Variants in EPB41 observed in about 807,000 individuals in gnomAD.
EPB41 encodes the protein protein 4.1.
EPB41 carries 65 observed loss-of-function variants against 108.0 expected under a neutral mutation model. That is an observed-to-expected ratio of 0.60 (90% CI 0.49 to 0.74). EPB41 has a LOEUF of 0.74. Ranked by LOEUF, EPB41 falls within the 30% of genes least tolerant of loss-of-function variation. The pLI is 0.00. For synonymous variants in EPB41, 336 were observed against 358.9 expected (o/e 0.94, Z 0.72); for missense variants, 875 against 1,037.0 (o/e 0.84, Z 2.15).
At chr1:28,969,915 C>G (rs571686820) in intron 1 of EPB41, among the ~76,000 whole-genome samples, 1 of 151,986 alleles carries the variant, frequency 6.6e-6, no homozygotes, top group South Asian at 2.1e-4. Flanking sequence ...AACAAACAAA[C>G]AAACAAAAAA....
chr1:28,990,568 A>C (rs778081971), intron 2 of EPB41, among the ~76,000 whole-genome samples: 3 of 151,692 alleles, frequency 2.0e-5, no homozygotes, highest in Non-Finnish European at 4.4e-5. Flanking sequence ...CTACAGGTGC[A>C]TGCCACATGC....
In EPB41 at chr1:29,092,631, C is replaced by T. The variant is rs60388309; in HGVS notation, c.2185-5176C>T. ...ATTCGTGTCATGGGGGTTTGTTTTA[C>T]AGATTATTTTGTCACCCAAGTACTA... On this transcript the variant is annotated intron_variant, in intron 16 of 20. Coordinates refer to ENST00000343067, the MANE Select transcript of EPB41 (RefSeq NM_001376013.1). Among the ~76,000 whole-genome samples, 276 of 152,206 alleles carry T rather than the reference C, an allele frequency of 1.8e-3. 2 individuals are homozygous for T. The highest frequency in any genetic ancestry group is 6.4e-3 in the African/African-American group (265 of 41,526).
At chr1:29,046,571 T>C (rs1456919652) in intron 11 of EPB41, among the ~76,000 whole-genome samples, 1 of 152,198 alleles carries the variant, frequency 6.6e-6, no homozygotes, top group African/African-American at 2.4e-5. Context: ...ATTGCTTTGT[T>C]GCTGGCTAGA....
rs1671636151 is a variant in EPB41 at position 29,119,962 on chromosome 1, G to C, written c.*3150G>C. 1.3e-5 allele frequency: 2 copies of C among 152,648 alleles called. No homozygotes were observed. The highest frequency in any genetic ancestry group is 4.8e-5 in the African/African-American group (2 of 41,462). 9.5% of individuals were successfully genotyped at this position (152,648 alleles called of 1,614,324 possible). ...TCTGCTGTTTTGGCCTTTCGTAGTA[G>C]AAGTGGTTGTAGTGTTTAGATATCT... On this transcript the variant is annotated 3_prime_UTR_variant, in exon 21 of 21. Transcript: ENST00000343067.
In EPB41 at chr1:28,921,938, T is replaced by TTATATATATATA. The variant is rs66808636; in HGVS notation, c.-8+7183_-8+7194dup. On this transcript the variant is annotated intron_variant, in intron 1 of 20. Transcript: ENST00000343067. ...TAAATAGTATTTTATTTATGAAATT[T>TTATATATATATA]TATATATATATATATATATATATAC... Among the ~76,000 whole-genome samples, 119 of 102,632 alleles carry TTATATATATATA rather than the reference T, an allele frequency of 1.2e-3. 6 individuals carry two copies. Among genetic ancestry groups the TTATATATATATA allele is most frequent in the East Asian group, 0.011 (13 of 1,156 alleles). 67.3% of individuals were successfully genotyped at this position (102,632 alleles called of 152,430 possible). A position where few individuals can be genotyped will look rare whatever the true frequency, so the allele number is the denominator to read the frequency against.
Position 28,987,799 on chromosome 1 carries a change from G to A in EPB41, c.362G>A (p.Ser121Asn). The A allele has an allele frequency of 6.2e-7, 1 of 1,614,194 alleles. No individual in the cohort carries two copies. Among genetic ancestry groups the A allele is most frequent in the Non-Finnish European group, 8.5e-7 (1 of 1,180,048 alleles). Residue 121 changes from serine to asparagine, a missense_variant, in exon 2 of 21, where the codon AGT becomes AAT. Ser to Asn is a conservative substitution (Grantham distance 46). Coordinates refer to ENST00000343067, the MANE Select transcript of EPB41 (RefSeq NM_001376013.1). ...CAGAAAGAGATAGAATTTGGAACCAGTCTTGATGAAGAGATCATTTTAAAG... is the reference window on the plus strand; with the variant it reads ...CAGAAAGAGATAGAATTTGGAACCAATCTTGATGAAGAGATCATTTTAAAG... ...GGQKEIEFGT[S>N]LDEEIILKAP...
chr1:29,101,686 A>G (rs1399814426), intron 17 of EPB41, among the ~76,000 whole-genome samples: 1 of 152,074 alleles, frequency 6.6e-6, no homozygotes, highest in African/African-American at 2.4e-5. Context: ...ATAAGTAAAT[A>G]AATAAACAAA....
chr1:29,015,481 TGGGAGGTG>T (rs2096565668), intron 5 of EPB41, among the ~76,000 whole-genome samples: 1 of 151,670 alleles, frequency 6.6e-6, no homozygotes, highest in Admixed American at 6.6e-5. Context: ...CGCTTGAACC[TGGGAGGTG>T]GAGGTTGTGG....
chr1:28,888,727 A>T (rs1477065523), intron 1 of EPB41, among the ~76,000 whole-genome samples: 1 of 152,176 alleles, frequency 6.6e-6, no homozygotes, highest in Non-Finnish European at 1.5e-5. Context: ...TCCCGGATTC[A>T]CGCCATTCTC....
intron 1 of EPB41, among the ~76,000 whole-genome samples, chr1:28,980,682 A>G (rs2095716847): frequency 6.6e-6 from 1 of 151,124 alleles, no homozygotes; most frequent in African/African-American, 2.4e-5. Flanking sequence ...GTGCCACTGC[A>G]CTCTTGCCTG....
intron 16 of EPB41, chr1:29,068,821 A>G: frequency 1.6e-6 from 2 of 1,229,084 alleles, no homozygotes; most frequent in African/African-American, 1.6e-5. Context: ...CTCAATCAGA[A>G]TTTGCTCTTG....
chr1:28,896,465 G>A (rs1038259489), intron 1 of EPB41, among the ~76,000 whole-genome samples: 58 of 152,298 alleles, frequency 3.8e-4, no homozygotes, highest in Admixed American at 3.3e-4. Flanking sequence ...CTGGGCATGG[G>A]GCCCAGAGAT....
At chr1:29,010,911 G>A (rs1188533373) in intron 4 of EPB41, among the ~76,000 whole-genome samples, 1 of 152,046 alleles carries the variant, frequency 6.6e-6, no homozygotes, top group Non-Finnish European at 1.5e-5. Flanking sequence ...TCAGGAGTTG[G>A]AGACCAGCCT....
chr1:28,929,941 G>A (rs2093656097), intron 1 of EPB41, among the ~76,000 whole-genome samples: 1 of 137,334 alleles, frequency 7.3e-6, no homozygotes, highest in South Asian at 2.4e-4. Flanking sequence ...ATGTTTTTTA[G>A]TGTGTTTATG....
At chr1:28,929,327 G>A (rs1219133907) in intron 1 of EPB41, among the ~76,000 whole-genome samples, 5 of 151,514 alleles carry the variant, frequency 3.3e-5, no homozygotes, top group Non-Finnish European at 4.4e-5. Flanking sequence ...CCGGGTTCAC[G>A]CCATTCTCCT....
intron 1 of EPB41, among the ~76,000 whole-genome samples, chr1:28,921,994 G>T (rs528571154): frequency 1.9e-5 from 2 of 102,950 alleles, no homozygotes; most frequent in Non-Finnish European, 3.6e-5. Flanking sequence ...TTTTGAGACG[G>T]AGTCTCTCTC....
intron 5 of EPB41, 85 bp from the exon 6 acceptor site, chr1:29,015,607 G>C (rs1334691441): frequency 1.2e-6 from 1 of 854,978 alleles, no homozygotes; most frequent in Non-Finnish European, 1.9e-6. Flanking sequence ...AAAAGAAAAA[G>C]AGAAATGTTT....
At chr1:28,887,155 G>A (rs377564846), upstream of EPB41, 25 of 1,105,138 alleles carry the variant, frequency 2.3e-5, no homozygotes, top group East Asian at 1.1e-3. The surrounding 1 kb of genome is among the most constrained non-coding windows in gnomAD (Gnocchi z 4.9). Flanking sequence ...CTTAAAGGGC[G>A]AGAGCGGCGC....
At chr1:29,104,786 C>T (rs1017264048) in intron 17 of EPB41, among the ~76,000 whole-genome samples, 12 of 152,050 alleles carry the variant, frequency 7.9e-5, no homozygotes, top group Non-Finnish European at 1.6e-4. Flanking sequence ...AACAGGGCTT[C>T]GCCATGTTGG....
Sources: allele counts gnomAD v4.1 joint callset (sites outside exome capture counted in the v4.1 genomes callset), GRCh38; gene constraint gnomAD v4.1.1; non-coding constraint Gnocchi (gnomAD v3.1); transcripts MANE v1.5; gene names NCBI Gene and HGNC (gene_info 2026-07-23, HGNC 2026-07-21).